Variants in KCNC2 observed in about 807,000 individuals in gnomAD.
The protein encoded by KCNC2 is potassium voltage-gated channel subfamily C member 2.
A neutral mutation model predicts 44.5 loss-of-function variants in KCNC2; 21 were observed. That is an observed-to-expected ratio of 0.47 (90% CI 0.33 to 0.68). The LOEUF (loss-of-function observed/expected upper bound fraction) is 0.68, where lower values mean the gene tolerates loss of function less well. KCNC2 is among the 30% of genes least tolerant of loss of function. The pLI, the probability that KCNC2 is intolerant of heterozygous loss-of-function variation, is 0.01. For missense variants in KCNC2, 589 were observed against 826.2 expected, an observed-to-expected ratio of 0.71 and a Z score of 3.52; for synonymous variants, 391 against 339.1, an observed-to-expected ratio of 1.15 and a Z score of -1.68.
At chr12:75,196,760 T>C (rs979043517) in intron 2 of KCNC2, among the ~76,000 whole-genome samples, 2 of 152,038 alleles carry the variant, frequency 1.3e-5, no homozygotes, top group Non-Finnish European at 2.9e-5. Flanking sequence ...AGTCAGCCAG[T>C]TAGTTACTTA....
intron 2 of KCNC2, among the ~76,000 whole-genome samples, chr12:75,177,328 A>G (rs188570977): frequency 6.6e-6 from 1 of 152,102 alleles, no homozygotes; most frequent in East Asian, 1.9e-4. Context: ...AATTCTGTAT[A>G]AATTAGTGTA....
rs1216004292 is a variant in KCNC2, at chr12:75,207,179, A to T, written c.687+118T>A. On this transcript the variant is annotated intron_variant, in intron 2 of 4. Transcript: ENST00000549446. This position sits in a 1 kb window ranked among gnomAD's most constrained non-coding sequence, Gnocchi z 4.1. ...ATGAGCCTCTAACTGTATCGCTAGG[A>T]AATCCCGGGTCTCTTCTACCCCCCA... is the stretch of plus-strand genomic sequence containing the variant. The T allele has an allele frequency of 2.8e-6, 4 of 1,447,320 alleles. No individual in the cohort carries two copies. The African/African-American group carries it at 5.8e-5, about 21-fold the overall frequency. The allele number at this position is 1,447,320 out of a possible 1,614,324, so 89.7% of individuals were successfully genotyped here.
At chr12:75,120,752 T>C (rs1334752942) in intron 2 of KCNC2, among the ~76,000 whole-genome samples, 3 of 152,158 alleles carry the variant, frequency 2.0e-5, no homozygotes, top group African/African-American at 7.2e-5. Flanking sequence ...AGAAGAGATA[T>C]GGGAATTATT....
At chr12:75,183,400 T>A (rs1242394724) in intron 2 of KCNC2, among the ~76,000 whole-genome samples, 2 of 152,160 alleles carry the variant, frequency 1.3e-5, no homozygotes, top group African/African-American at 2.4e-5. Context: ...ACCACCATAA[T>A]AAAAACATTA....
In KCNC2 at chr12:75,136,374, G is replaced by A. The variant is rs73355624; in HGVS notation, c.687+70923C>T. On this transcript the variant is annotated intron_variant, in intron 2 of 4. Coordinates refer to ENST00000549446, the MANE Select transcript of KCNC2 (RefSeq NM_139137.4). The stretch of plus-strand genomic sequence containing the variant: ...TAAGTGAAACTGAGACCAAGAAAAA[G>A]GATCAACAAAATAAAATTTGGTTCT... Among the ~76,000 whole-genome samples the A allele has an allele frequency of 9.7e-3, 1,474 of 151,706 alleles. 18 individuals carry two copies. The highest frequency in any genetic ancestry group is 0.034 in the African/African-American group (1,398 of 41,392).
chr12:75,207,680 A>G lies in KCNC2; in HGVS notation c.304T>C (p.Phe102Leu), dbSNP rs2031804422. ...ASDHPGGGRE[F>L]FFDRHPGVFA... ...ACGCCCGGGTGCCGGTCGAAGAAGA[A>G]CTCGCGGCCGCCACCGGGATGGTCG... is the stretch of plus-strand genomic sequence containing the variant. The change falls in exon 2 of 5, where the codon TTC becomes CTC. Residue 102 changes from phenylalanine to leucine, a missense_variant. Physicochemically the swap from Phe to Leu is conservative, Grantham distance 22 (BLOSUM62 0). Transcript: ENST00000549446. The surrounding 1 kb of genome is among the most constrained non-coding windows in gnomAD (Gnocchi z 4.1). 4.4e-6 allele frequency: 7 copies of G among 1,604,736 alleles called. No individual in the cohort carries two copies. Among genetic ancestry groups the G allele is most frequent in the Non-Finnish European group, 5.9e-6 (7 of 1,176,894 alleles).
intron 2 of KCNC2, among the ~76,000 whole-genome samples, chr12:75,069,538 G>T (rs1003426214): frequency 1.3e-5 from 2 of 152,096 alleles, no homozygotes; most frequent in East Asian, 3.9e-4. Context: ...CATACGATAT[G>T]GCTCTTACAG....
intron 2 of KCNC2, among the ~76,000 whole-genome samples, chr12:75,141,927 A>G (rs1565887342): frequency 1.3e-5 from 2 of 152,122 alleles, no homozygotes; most frequent in Non-Finnish European, 2.9e-5. Context: ...TCATCCTCAC[A>G]AAAATATACT....
intron 2 of KCNC2, among the ~76,000 whole-genome samples, chr12:75,191,708 G>T (rs1274502744): frequency 3.3e-5 from 5 of 150,474 alleles, no homozygotes; most frequent in African/African-American, 1.2e-4. Context: ...CCGGCACCGC[G>T]CCCGGCTAAT....
chr12:75,180,455 T>C (rs1892500627), intron 2 of KCNC2, among the ~76,000 whole-genome samples: 2 of 151,856 alleles, frequency 1.3e-5, no homozygotes, highest in South Asian at 4.2e-4. Context: ...TGAAACACTT[T>C]TAGTTCCAAT....
At chr12:75,101,491 C>CA (rs1402533431) in intron 2 of KCNC2, among the ~76,000 whole-genome samples, 4 of 151,498 alleles carry the variant, frequency 2.6e-5, no homozygotes, top group South Asian at 2.1e-4. Context: ...AACATGGCAA[C>CA]AAAAAAAAGA....
chr12:75,085,790 T>G (rs1027215238), intron 2 of KCNC2, among the ~76,000 whole-genome samples: 8 of 152,066 alleles, frequency 5.3e-5, no homozygotes, highest in African/African-American at 1.9e-4. Flanking sequence ...ACTGATTATG[T>G]TTACTTTCCT....
intron 2 of KCNC2, among the ~76,000 whole-genome samples, chr12:75,187,063 G>A (rs950721306): frequency 1.3e-5 from 2 of 152,106 alleles, no homozygotes; most frequent in Non-Finnish European, 2.9e-5. Flanking sequence ...TAAAAAAGAT[G>A]CCCTAAGAAC....
At position 75,151,577 on chromosome 12, in the gene KCNC2, T is replaced by A. The variant is rs188141007; in HGVS notation, c.687+55720A>T. Among the ~76,000 whole-genome samples the A allele has an allele frequency of 3.6e-3, 542 of 151,716 alleles. 2 individuals carry two copies. Among genetic ancestry groups the A allele is most frequent in the African/African-American group, 0.013 (520 of 41,444 alleles). On this transcript the variant is annotated intron_variant, in intron 2 of 4. Transcript: ENST00000549446. ...TCATCATAAATGAGAACCAGAAGAATGAAGAATGTAGGATAGTGATTGGCA... is the reference window on the plus strand; with the variant it reads ...TCATCATAAATGAGAACCAGAAGAAAGAAGAATGTAGGATAGTGATTGGCA...
chr12:75,171,775 C>G (rs987496778), intron 2 of KCNC2, among the ~76,000 whole-genome samples: 1 of 151,512 alleles, frequency 6.6e-6, no homozygotes, highest in African/African-American at 2.4e-5. Flanking sequence ...AGAATGTTCC[C>G]AATACAAAGA....
intron 2 of KCNC2, among the ~76,000 whole-genome samples, chr12:75,191,619 C>T (rs1431672301): frequency 7.3e-6 from 1 of 137,396 alleles, no homozygotes; most frequent in Non-Finnish European, 1.5e-5. Context: ...GGCGCAATCT[C>T]GGCTCACTGC....
intron 2 of KCNC2, among the ~76,000 whole-genome samples, chr12:75,110,005 T>C (rs1308867771): frequency 1.3e-5 from 2 of 150,954 alleles, no homozygotes; most frequent in East Asian, 1.9e-4. Context: ...TACAAGAATA[T>C]AAAAAAATCA....
intron 2 of KCNC2, among the ~76,000 whole-genome samples, chr12:75,199,803 AAGT>A (rs972511322): frequency 1.6e-4 from 24 of 151,866 alleles, no homozygotes; most frequent in African/African-American, 5.3e-4. Flanking sequence ...AATCAAACAA[AAGT>A]AGAAAAACGT....
chr12:75,106,688 A>T (rs1327762156), intron 2 of KCNC2, among the ~76,000 whole-genome samples: 1 of 152,168 alleles, frequency 6.6e-6, no homozygotes, highest in Non-Finnish European at 1.5e-5. Flanking sequence ...AAACACCACC[A>T]CCACTCTTAT....
Sources: allele counts gnomAD v4.1 joint callset (sites outside exome capture counted in the v4.1 genomes callset), GRCh38; gene constraint gnomAD v4.1.1; non-coding constraint Gnocchi (gnomAD v3.1); transcripts MANE v1.5; gene names NCBI Gene and HGNC (gene_info 2026-07-23, HGNC 2026-07-21).